Variants in NRXN3 observed in about 807,000 individuals in gnomAD.
NRXN3 encodes neurexin III.
NRXN3 carries 32 observed loss-of-function variants against 137.6 expected under a neutral mutation model. The observed-to-expected ratio is 0.23, with a 90% confidence interval of 0.18 to 0.31. NRXN3 has a LOEUF of 0.31. Ranked by LOEUF, NRXN3 falls within the 10% of genes least tolerant of loss-of-function variation. NRXN3 has a pLI of 1.00. For synonymous variants in NRXN3, 798 were observed against 784.5 expected (o/e 1.02, Z -0.29); for missense variants, 1,574 against 2,062.5 (o/e 0.76, Z 4.59).
At chr14:78,225,819 C>G (rs922019788) in intron 1 of NRXN3, among the ~76,000 whole-genome samples, 2 of 152,274 alleles carry the variant, frequency 1.3e-5, no homozygotes, top group Admixed American at 1.3e-4. Flanking sequence ...CAAAACCATT[C>G]ATTCTTTAAT....
chr14:79,703,278 G>A (rs1004025236), intron 19 of NRXN3, among the ~76,000 whole-genome samples: 1 of 152,124 alleles, frequency 6.6e-6, no homozygotes, highest in Non-Finnish European at 1.5e-5. Flanking sequence ...TAGCTTTTCA[G>A]TGTCAGACTG....
At chr14:79,161,970 T>C (rs571698420) in intron 15 of NRXN3, among the ~76,000 whole-genome samples, 9 of 151,990 alleles carry the variant, frequency 5.9e-5, no homozygotes, top group African/African-American at 2.2e-4. Flanking sequence ...TCTAAGAACA[T>C]CTAAGCTGCG....
At chr14:79,329,613 G>A (rs951024320) in intron 15 of NRXN3, among the ~76,000 whole-genome samples, 3 of 152,182 alleles carry the variant, frequency 2.0e-5, no homozygotes, top group African/African-American at 7.2e-5. Context: ...AAAACAGGTA[G>A]CAGCCAGAAT....
At chr14:78,968,448 C>G in intron 14 of NRXN3, 102 bp downstream of exon 14, 1 of 1,047,394 alleles carries the variant, frequency 9.5e-7, no homozygotes, top group Non-Finnish European at 1.4e-6. Flanking sequence ...CCAGTCCTGT[C>G]TCATTCTCAT....
intron 5 of NRXN3, among the ~76,000 whole-genome samples, chr14:78,646,451 T>A (rs914588975): frequency 4.6e-5 from 7 of 152,200 alleles, no homozygotes; most frequent in Admixed American, 3.9e-4. Flanking sequence ...CTGAAGTGCT[T>A]ATCAAAAAGT....
intron 15 of NRXN3, among the ~76,000 whole-genome samples, chr14:79,403,987 G>A (rs1210290847): frequency 2.0e-5 from 3 of 152,162 alleles, no homozygotes; most frequent in Admixed American, 6.6e-5. Flanking sequence ...TGTTGGAAAA[G>A]TGCTGCTAAA....
intron 15 of NRXN3, among the ~76,000 whole-genome samples, chr14:79,047,652 C>T (rs2370896): frequency 0.99 from 150,858 of 152,266 alleles, 74,756 homozygotes; most frequent in Middle Eastern, 1. Context: ...AAAAAAGATA[C>T]GTGAATGGTC....
At chr14:78,267,608 T>G (rs1188201413) in intron 2 of NRXN3, among the ~76,000 whole-genome samples, 3 of 152,078 alleles carry the variant, frequency 2.0e-5, no homozygotes, top group African/African-American at 7.2e-5. Flanking sequence ...AGCTGGGAGG[T>G]CCACTTGATC....
chr14:78,176,483 A>G (rs539867913), intron 1 of NRXN3, among the ~76,000 whole-genome samples: 1 of 152,016 alleles, frequency 6.6e-6, no homozygotes, highest in East Asian at 1.9e-4. Context: ...AAAGTTACCT[A>G]ATAAAATGAC....
chr14:78,186,272 A>G (rs188075251), intron 1 of NRXN3, among the ~76,000 whole-genome samples: 12 of 152,360 alleles, frequency 7.9e-5, no homozygotes, highest in African/African-American at 2.9e-4. Context: ...CTTCAGAGAA[A>G]AGAGGCTAAG....
intron 4 of NRXN3, among the ~76,000 whole-genome samples, chr14:78,494,437 T>TTTTTTTG (rs2095733359): frequency 2.0e-5 from 3 of 151,190 alleles, no homozygotes; most frequent in Non-Finnish European, 2.9e-5. Context: ...TTTTTTTTTT[T>TTTTTTTG]GTCTGATTTC....
At chr14:79,328,299 TAAG>T (rs1418991654) in intron 15 of NRXN3, among the ~76,000 whole-genome samples, 1 of 152,136 alleles carries the variant, frequency 6.6e-6, no homozygotes, top group Non-Finnish European at 1.5e-5. Context: ...AAAAGGCTGT[TAAG>T]GAGGAGGAGC....
At position 79,236,839 on chromosome 14, in the gene NRXN3, T is replaced by C. The variant is rs902744302; in HGVS notation, c.3263-230382T>C. 2.6e-5 allele frequency among the ~76,000 whole-genome samples: 4 copies of C among 152,112 alleles called. No homozygotes were observed. The East Asian group carries it at 7.7e-4, about 29-fold the overall frequency. ...CTGAGGTGGGAGGATCACTTTAACC[T>C]GGGGATCAAGGCTGCAGTGAACCAG... is the stretch of plus-strand genomic sequence containing the variant. On this transcript the variant is annotated intron_variant, in intron 15 of 20. Coordinates refer to ENST00000335750, the MANE Select transcript of NRXN3 (RefSeq NM_001330195.2).
At chr14:79,858,957 A>T (rs2099408485) in intron 20 of NRXN3, among the ~76,000 whole-genome samples, 1 of 147,316 alleles carries the variant, frequency 6.8e-6, no homozygotes, top group Non-Finnish European at 1.5e-5. Flanking sequence ...AAGGCATATG[A>T]ATTATATATG....
At chr14:79,061,643 G>A (rs1394417509) in intron 15 of NRXN3, among the ~76,000 whole-genome samples, 1 of 152,180 alleles carries the variant, frequency 6.6e-6, no homozygotes, top group African/African-American at 2.4e-5. Flanking sequence ...TGTAGAAGCT[G>A]GCATAGCCTG....
intron 4 of NRXN3, among the ~76,000 whole-genome samples, chr14:78,550,904 A>G (rs1161751397): frequency 1.3e-5 from 2 of 152,224 alleles, no homozygotes; most frequent in Non-Finnish European, 2.9e-5. Context: ...GAGTCAATAC[A>G]GTGCAATGGT....
chr14:78,575,951 G>A (rs116848911), intron 4 of NRXN3, among the ~76,000 whole-genome samples: 1,866 of 152,318 alleles, frequency 0.012, 22 homozygotes, highest in Non-Finnish European at 0.016. Context: ...AAAGTGGAAG[G>A]AAAGCAAATG....
chr14:78,821,051 C>G (rs890541727), intron 10 of NRXN3, among the ~76,000 whole-genome samples: 1 of 152,110 alleles, frequency 6.6e-6, no homozygotes, highest in Non-Finnish European at 1.5e-5. Flanking sequence ...AATTCTTCAT[C>G]ATATGAGTAC....
At chr14:78,583,221 T>C (rs1048527336) in intron 4 of NRXN3, among the ~76,000 whole-genome samples, 5 of 151,862 alleles carry the variant, frequency 3.3e-5, no homozygotes, top group African/African-American at 1.2e-4. Context: ...AACCAAAATA[T>C]AGAAGTAAGA....
Sources: allele counts gnomAD v4.1 joint callset (sites outside exome capture counted in the v4.1 genomes callset), GRCh38; gene constraint gnomAD v4.1.1; transcripts MANE v1.5; gene names NCBI Gene and HGNC (gene_info 2026-07-23, HGNC 2026-07-21).